The following IFT88 variants were observed in gnomAD, a reference collection of about 807,000 sequenced individuals.
IFT88 encodes intraflagellar transport protein 88 homolog.
A neutral mutation model predicts 119.5 loss-of-function variants in IFT88; 74 were observed. The observed-to-expected ratio is 0.62, with a 90% CI of 0.51 to 0.75. The LOEUF is 0.75. Among genes scored for constraint, IFT88 ranks in the 30% least tolerant of loss-of-function variants. The pLI, the probability that IFT88 is intolerant of heterozygous loss-of-function variation, is 0.00. For synonymous variants in IFT88, 279 were observed against 316.7 expected, an observed-to-expected ratio of 0.88 and a Z score of 1.26; for missense variants, 961 against 977.7, an observed-to-expected ratio of 0.98 and a Z score of 0.23.
At chr13:20,632,171 A>C (rs1168821892) in intron 16 of IFT88, 1 of 150,396 alleles carries the variant, frequency 6.6e-6, no homozygotes, top group Non-Finnish European at 1.5e-5. Flanking sequence ...GTAGATTTTC[A>C]TTTGCCACTT....
At chr13:20,611,766 G>A (rs780439240) in intron 13 of IFT88, among the ~76,000 whole-genome samples, 2 of 151,764 alleles carry the variant, frequency 1.3e-5, no homozygotes, top group Admixed American at 6.6e-5. Context: ...CACCATGCCC[G>A]GCTAATTTTT....
chr13:20,688,926 TTTAA>T (rs1311846465), intron 24 of IFT88, among the ~76,000 whole-genome samples: 3 of 152,032 alleles, frequency 2.0e-5, no homozygotes, highest in Non-Finnish European at 2.9e-5. Flanking sequence ...TTTATTTTTA[TTTAA>T]TTAATTAATT....
chr13:20,660,497 G>T (rs1038382933), intron 22 of IFT88, among the ~76,000 whole-genome samples: 4 of 152,208 alleles, frequency 2.6e-5, no homozygotes, highest in African/African-American at 7.2e-5. Context: ...TGTACCTGAG[G>T]TCCAAATCAA....
chr13:20,671,835 T>C (rs2055919747), intron 24 of IFT88, among the ~76,000 whole-genome samples: 1 of 152,190 alleles, frequency 6.6e-6, no homozygotes, highest in Non-Finnish European at 1.5e-5. Context: ...CCTAGCTCCA[T>C]GTAACTATCC....
At chr13:20,567,983 T>C (rs1001953284) in intron 1 of IFT88, 3 of 712,670 alleles carry the variant, frequency 4.2e-6, no homozygotes, top group African/African-American at 3.5e-5. Flanking sequence ...ACACATGAAA[T>C]TCACAAACAC....
chr13:20,632,971 A>G (rs946028626), intron 16 of IFT88, among the ~76,000 whole-genome samples: 2 of 152,226 alleles, frequency 1.3e-5, no homozygotes, highest in Non-Finnish European at 2.9e-5. Flanking sequence ...ATATGTAAAG[A>G]TGAAGAAAGA....
At position 20,582,328 on chromosome 13, in the gene IFT88, A is replaced by G. The variant is rs550390509; in HGVS notation, c.91-629A>G. Reference sequence around the variant, plus strand: ...GGAATGTAAGTACATTTCAGGAATCAGCAAAGCAAAATAACATTTTATTTC... The same window carrying G: ...GGAATGTAAGTACATTTCAGGAATCGGCAAAGCAAAATAACATTTTATTTC... On this transcript the variant is annotated intron_variant, in intron 2 of 25. Coordinates refer to ENST00000351808, the MANE Select transcript of IFT88 (RefSeq NM_006531.5). 2.6e-5 allele frequency among the ~76,000 whole-genome samples: 4 copies of G among 152,350 alleles called. No homozygotes were observed. In the South Asian group the frequency reaches 8.3e-4, roughly 32 times the overall value.
chr13:20,663,502 G>A lies in IFT88; in HGVS notation c.2073G>A (p.Leu691=), dbSNP rs138177027. The change falls in exon 23 of 26, where the codon CTG becomes CTA. Residue 691 remains leucine, a synonymous_variant. Transcript: ENST00000351808. ...HRKFPENVEC[L]RFLVRLCTDL... is the part of the protein sequence containing the mutation. Reference sequence around the variant, plus strand: ...AATGTATATTTTACAATTTAGGTCTGCGTTTCTTAGTTCGTCTCTGCACAG... The same window carrying A: ...AATGTATATTTTACAATTTAGGTCTACGTTTCTTAGTTCGTCTCTGCACAG... 398 of 1,613,142 alleles carry A rather than the reference G, an allele frequency of 2.5e-4. 1 individual carries two copies. In the African/African-American group the frequency reaches 4.0e-3, roughly 16 times the overall value.
intron 14 of IFT88, among the ~76,000 whole-genome samples, chr13:20,616,343 A>G (rs1170387529): frequency 6.6e-6 from 1 of 152,244 alleles, no homozygotes; most frequent in African/African-American, 2.4e-5. Context: ...AGCAACTTCC[A>G]GTCCTGGAAG....
chr13:20,613,011 C>T (rs1344467108), intron 13 of IFT88, among the ~76,000 whole-genome samples: 2 of 152,092 alleles, frequency 1.3e-5, no homozygotes, highest in Admixed American at 6.5e-5. Flanking sequence ...AGAGAAATAT[C>T]ATTGACTGTC....
chr13:20,653,371 T>C (rs530448215), intron 20 of IFT88, among the ~76,000 whole-genome samples: 4 of 152,232 alleles, frequency 2.6e-5, no homozygotes, highest in Non-Finnish European at 5.9e-5. Context: ...TTAATAGAAG[T>C]ATTTAGAAAT....
At chr13:20,641,255 C>T (rs775100265) in intron 17 of IFT88, 35 bp from the exon 18 acceptor site, 2 of 1,143,136 alleles carry the variant, frequency 1.7e-6, no homozygotes, top group South Asian at 2.8e-5. Flanking sequence ...AATAATGATA[C>T]TTATAGATTT....
chr13:20,669,141 G>A (rs1194638456), intron 23 of IFT88, among the ~76,000 whole-genome samples: 2 of 152,168 alleles, frequency 1.3e-5, no homozygotes, highest in Admixed American at 6.5e-5. Flanking sequence ...CCAATGTGGC[G>A]TCATGGCACG....
chr13:20,666,871 T>A (rs1202242136), intron 23 of IFT88, among the ~76,000 whole-genome samples: 1 of 152,238 alleles, frequency 6.6e-6, no homozygotes, highest in African/African-American at 2.4e-5. Flanking sequence ...ACTGTTATCA[T>A]TCCCCTTTCC....
chr13:20,581,671 C>G (rs951841373), intron 2 of IFT88, among the ~76,000 whole-genome samples: 1 of 143,650 alleles, frequency 7.0e-6, no homozygotes, highest in Non-Finnish European at 1.6e-5. Context: ...CTGGGTAACA[C>G]GGCAAAATCC....
chr13:20,678,880 A>C (rs901826415), intron 24 of IFT88, among the ~76,000 whole-genome samples: 1 of 152,182 alleles, frequency 6.6e-6, no homozygotes, highest in Admixed American at 6.5e-5. Context: ...GACAGACAAC[A>C]CAGATTAAAA....
intron 1 of IFT88, among the ~76,000 whole-genome samples, chr13:20,571,419 A>G (rs1313640947): frequency 6.6e-6 from 1 of 152,026 alleles, no homozygotes; most frequent in African/African-American, 2.4e-5. Flanking sequence ...TTGGGTAATT[A>G]GCCTTCCTCC....
intron 1 of IFT88, among the ~76,000 whole-genome samples, chr13:20,571,909 T>A (rs550638345): frequency 1.3e-5 from 2 of 152,320 alleles, no homozygotes; most frequent in East Asian, 3.9e-4. Flanking sequence ...TCAAGCAATG[T>A]TATGTGTCCT....
chr13:20,593,446 G>C (rs1172342380), intron 7 of IFT88, among the ~76,000 whole-genome samples: 1 of 151,632 alleles, frequency 6.6e-6, no homozygotes, highest in African/African-American at 2.4e-5. Context: ...CCAGAGCTTG[G>C]GCTCTGGAAC....
Sources: gnomAD v4.1 joint callset for allele counts (sites outside exome capture counted in the v4.1 genomes callset) on GRCh38, gnomAD v4.1.1 for gene constraint, MANE v1.5 for transcripts, NCBI Gene and HGNC (gene_info 2026-07-23, HGNC 2026-07-21) for gene names.